The following SLC2A13 variants were observed in gnomAD, a reference collection of about 807,000 sequenced individuals.
SLC2A13 encodes solute carrier family 2 member 13.
In SLC2A13, 32 loss-of-function variants were observed where a neutral mutation model predicts 64.4. The observed-to-expected ratio is 0.50, with a 90% CI of 0.37 to 0.67. The LOEUF (loss-of-function observed/expected upper bound fraction) is 0.67, where lower values mean the gene tolerates loss of function less well. Among genes scored for constraint, SLC2A13 ranks in the 30% least tolerant of loss-of-function variants. SLC2A13 has a pLI of 0.00. For synonymous variants in SLC2A13, 338 were observed against 327.1 expected (o/e 1.03, Z -0.36); for missense variants, 743 against 829.2 (o/e 0.90, Z 1.28).
intron 4 of SLC2A13, among the ~76,000 whole-genome samples, chr12:39,885,555 CA>C (rs1297672226): frequency 2.0e-5 from 3 of 152,020 alleles, no homozygotes; most frequent in Non-Finnish European, 4.4e-5. Context: ...CCAATTATTA[CA>C]AAAAACTTTC....
chr12:39,855,997 C>T (rs1943597857), intron 6 of SLC2A13, among the ~76,000 whole-genome samples: 4 of 152,164 alleles, frequency 2.6e-5, no homozygotes, highest in Admixed American at 1.3e-4. Flanking sequence ...ACTGCTGGGT[C>T]TACTAGCATG....
intron 7 of SLC2A13, among the ~76,000 whole-genome samples, chr12:39,768,325 T>C (rs1302870321): frequency 6.6e-6 from 1 of 152,146 alleles, no homozygotes; most frequent in African/African-American, 2.4e-5. Context: ...GCAATAAGGC[T>C]GTTTCACTTT....
intron 3 of SLC2A13, among the ~76,000 whole-genome samples, chr12:40,015,070 A>G (rs1035616016): frequency 2.0e-5 from 3 of 152,050 alleles, no homozygotes; most frequent in Admixed American, 6.6e-5. Context: ...TAAAGGGTCT[A>G]TTTCTCACAT....
chr12:40,093,575 C>G (rs1009901574), intron 1 of SLC2A13, among the ~76,000 whole-genome samples: 1 of 152,104 alleles, frequency 6.6e-6, no homozygotes, highest in African/African-American at 2.4e-5. Context: ...GCAGGGAAAA[C>G]TGGTGGTGGG....
At chr12:40,104,967 G>C (rs1193212227) in intron 1 of SLC2A13, among the ~76,000 whole-genome samples, 1 of 152,154 alleles carries the variant, frequency 6.6e-6, no homozygotes, top group Non-Finnish European at 1.5e-5. Context: ...TGGAAGTGCT[G>C]AGAGGCAACA....
intron 6 of SLC2A13, among the ~76,000 whole-genome samples, chr12:39,860,350 T>G (rs1297563788): frequency 6.6e-6 from 1 of 152,228 alleles, no homozygotes; most frequent in Non-Finnish European, 1.5e-5. Flanking sequence ...GCCCAATTGA[T>G]TAGTAAACTA....
chr12:40,083,010 T>A, intron 1 of SLC2A13, among the ~76,000 whole-genome samples: 1 of 152,172 alleles, frequency 6.6e-6, no homozygotes, highest in South Asian at 2.1e-4. Context: ...TTCCTGATGG[T>A]CTGGTTTCTC....
intron 6 of SLC2A13, among the ~76,000 whole-genome samples, chr12:39,858,851 C>T (rs573402033): frequency 1.3e-5 from 2 of 152,148 alleles, no homozygotes; most frequent in South Asian, 2.1e-4. Flanking sequence ...CATGATCCAC[C>T]CGCTTTGGCC....
chr12:39,957,562 C>T (rs948184797), intron 3 of SLC2A13, among the ~76,000 whole-genome samples: 4 of 152,108 alleles, frequency 2.6e-5, no homozygotes, highest in Non-Finnish European at 5.9e-5. Context: ...CATTTCATTC[C>T]CACATCCAGG....
At chr12:40,071,569 TA>T (rs1000168608) in intron 1 of SLC2A13, among the ~76,000 whole-genome samples, 12 of 152,204 alleles carry the variant, frequency 7.9e-5, no homozygotes, top group African/African-American at 2.9e-4. Context: ...AAGGAAATTC[TA>T]AACAATTGGT....
chr12:39,760,632 C>T (rs1940100563), intron 9 of SLC2A13, among the ~76,000 whole-genome samples: 1 of 151,902 alleles, frequency 6.6e-6, no homozygotes, highest in Non-Finnish European at 1.5e-5. Context: ...GTATGCTTGC[C>T]TTGTCTATTA....
At chr12:39,794,139 A>G (rs1198530880) in intron 7 of SLC2A13, among the ~76,000 whole-genome samples, 2 of 151,330 alleles carry the variant, frequency 1.3e-5, no homozygotes, top group African/African-American at 4.8e-5. Context: ...AAAAAAAAAA[A>G]AAAAAAAAAA....
chr12:39,997,631 C>A (rs945465564), intron 3 of SLC2A13, among the ~76,000 whole-genome samples: 2 of 152,058 alleles, frequency 1.3e-5, no homozygotes, highest in Non-Finnish European at 2.9e-5. Flanking sequence ...GAGATCGAGA[C>A]CATCCTGGCT....
chr12:39,946,097 T>G (rs1390059424), intron 4 of SLC2A13, among the ~76,000 whole-genome samples: 1 of 152,226 alleles, frequency 6.6e-6, no homozygotes, highest in Non-Finnish European at 1.5e-5. Context: ...TGGCTTCCTA[T>G]GAGCTGAACT....
chr12:39,841,549 T>C (rs1268890082), intron 6 of SLC2A13, among the ~76,000 whole-genome samples: 1 of 152,094 alleles, frequency 6.6e-6, no homozygotes, highest in Non-Finnish European at 1.5e-5. Context: ...TGTATATAAA[T>C]GTATATCTAT....
At chr12:39,896,465 T>TATATGTATATGTGTGTATATATGTAC (rs1944897411) in intron 4 of SLC2A13, among the ~76,000 whole-genome samples, 1 of 141,450 alleles carries the variant, frequency 7.1e-6, no homozygotes, top group Non-Finnish European at 1.5e-5. Context: ...TATATATGTA[T>TATATGTATATGTGTGTATATATGTAC]ACATATATGT....
At chr12:39,905,849 G>C (rs1276096387) in intron 4 of SLC2A13, among the ~76,000 whole-genome samples, 1 of 149,000 alleles carries the variant, frequency 6.7e-6, no homozygotes, top group African/African-American at 2.5e-5. Context: ...CACTTCTATG[G>C]ATAACTTATT....
rs1022122073 is a variant in SLC2A13 at position 39,756,072 on chromosome 12, T to G, written c.*3954A>C. On this transcript the variant is annotated 3_prime_UTR_variant, in exon 10 of 10. Transcript: ENST00000280871. ...CTGAATGTACCGACAATTTATAGAC[T>G]GCTACAACCTGAACCATTTCATCAA... 6 of 151,994 alleles carry G rather than the reference T, an allele frequency of 3.9e-5. No individual in the cohort carries two copies. Among genetic ancestry groups the G allele is most frequent in the African/African-American group, 1.4e-4 (6 of 41,420 alleles). 9.4% of individuals were successfully genotyped at this position (151,994 alleles called of 1,614,324 possible).
chr12:39,885,679 C>G (rs902541222), intron 4 of SLC2A13, among the ~76,000 whole-genome samples: 3 of 152,182 alleles, frequency 2.0e-5, no homozygotes, highest in African/African-American at 7.2e-5. Flanking sequence ...AATTAATTCT[C>G]TTCTACCTCG....
Sources: gnomAD v4.1 joint callset for allele counts (sites outside exome capture counted in the v4.1 genomes callset) on GRCh38, gnomAD v4.1.1 for gene constraint, MANE v1.5 for transcripts, NCBI Gene and HGNC (gene_info 2026-07-23, HGNC 2026-07-21) for gene names.